The following MAF variants were observed in gnomAD, a reference collection of about 807,000 sequenced individuals.
MAF encodes the protein transcription factor Maf.
Under a neutral mutation model 22.0 loss-of-function variants are expected in MAF, and 10 were observed. The ratio of observed to expected loss-of-function variants is 0.45; its 90% CI spans 0.28 to 0.77. The LOEUF is 0.77. MAF is among the 30% of genes least tolerant of loss of function. The pLI is 0.12. For missense variants in MAF, 544 were observed against 548.4 expected (o/e 0.99, Z 0.08); for synonymous variants, 337 against 255.8 (o/e 1.32, Z -3.03).
the MAF span, among the ~76,000 whole-genome samples, chr16:79,239,444 G>A: frequency 6.6e-6 from 1 of 152,036 alleles, no homozygotes; most frequent in African/African-American, 2.4e-5. Flanking sequence ...GGGATGGTTT[G>A]TAGGGAACAA....
At chr16:79,373,701 G>C in the MAF span, among the ~76,000 whole-genome samples, 1 of 151,996 alleles carries the variant, frequency 6.6e-6, no homozygotes, top group Non-Finnish European at 1.5e-5. Context: ...AGAAGAGGAA[G>C]AGAGACTTGA....
the MAF span, among the ~76,000 whole-genome samples, chr16:79,216,506 T>C: frequency 6.6e-6 from 1 of 152,212 alleles, no homozygotes; most frequent in South Asian, 2.1e-4. Context: ...CCTTTCAGTA[T>C]AGCATTCAAT....
chr16:79,277,234 C>G, the MAF span, among the ~76,000 whole-genome samples: 26 of 152,200 alleles, frequency 1.7e-4, 1 homozygote, highest in Middle Eastern at 6.8e-3. Flanking sequence ...TCATCTTAAC[C>G]TGATTACATC....
At chr16:79,308,704 T>C in the MAF span, among the ~76,000 whole-genome samples, 1 of 152,178 alleles carries the variant, frequency 6.6e-6, no homozygotes, top group African/African-American at 2.4e-5. Context: ...ATCCCCCACA[T>C]AATGCTATGA....
At chr16:79,547,803 G>C in the MAF span, among the ~76,000 whole-genome samples, 3 of 152,040 alleles carry the variant, frequency 2.0e-5, no homozygotes, top group East Asian at 3.9e-4. Flanking sequence ...GTCTACAATT[G>C]ATCTTTTTTC....
In MAF at chr16:79,599,667, C is replaced by T. The variant is rs942419237; in HGVS notation, c.236G>A (p.Gly79Asp). 6.2e-7 allele frequency: 1 copy of T among 1,612,238 alleles called. No individual in the cohort carries two copies. ...GTGCGCCTTCTGCTCGCTGCCCGAGCCCGGGCTGGGCGCCGAGAAGCTGGG... is the reference window on the plus strand; with the variant it reads ...GTGCGCCTTCTGCTCGCTGCCCGAGTCCGGGCTGGGCGCCGAGAAGCTGGG... ...PSPSFSAPSP[G>D]SGSEQKAHLE... Residue 79 changes from glycine (G) to aspartate (D), a missense_variant, in exon 1 of 2, where the codon GGC becomes GAC. Coordinates refer to ENST00000326043, the MANE Select transcript of MAF (RefSeq NM_005360.5).
the MAF span, among the ~76,000 whole-genome samples, chr16:79,274,579 G>A: frequency 2.8e-4 from 42 of 152,142 alleles, no homozygotes; most frequent in Non-Finnish European, 4.8e-4. Flanking sequence ...CAGAAGAAAG[G>A]ACCCTACTGT....
chr16:79,320,291 G>T, the MAF span, among the ~76,000 whole-genome samples: 11 of 152,310 alleles, frequency 7.2e-5, no homozygotes, highest in East Asian at 2.1e-3. Context: ...AAGAATAAAG[G>T]AGAAAGCTGC....
the MAF span, among the ~76,000 whole-genome samples, chr16:79,542,404 T>G: frequency 2.2e-4 from 33 of 151,968 alleles, no homozygotes; most frequent in African/African-American, 7.5e-4. Flanking sequence ...TTAGATAGAG[T>G]CAAGGCCAGC....
chr16:79,334,390 G>C, the MAF span, among the ~76,000 whole-genome samples: 12 of 152,284 alleles, frequency 7.9e-5, 1 homozygote, highest in Middle Eastern at 0.017. Context: ...TGCAAGGCCA[G>C]GGAGGGTGAC....
At chr16:79,385,512 C>T in the MAF span, among the ~76,000 whole-genome samples, 6 of 152,334 alleles carry the variant, frequency 3.9e-5, no homozygotes, top group South Asian at 2.1e-4. Flanking sequence ...TCCCTTTTAA[C>T]GTACGCAAGC....
At chr16:79,255,817 TG>T in the MAF span, among the ~76,000 whole-genome samples, 805 of 152,134 alleles carry the variant, frequency 5.3e-3, 6 homozygotes, top group African/African-American at 0.018. Context: ...CATCTGTGAG[TG>T]GGGATATTAA....
chr16:79,371,243 G>A, the MAF span, among the ~76,000 whole-genome samples: 1 of 152,030 alleles, frequency 6.6e-6, no homozygotes, highest in Non-Finnish European at 1.5e-5. Flanking sequence ...TTCTTACACA[G>A]AGGCTCCCAG....
At chr16:79,569,480 G>A in the MAF span, among the ~76,000 whole-genome samples, 5 of 152,222 alleles carry the variant, frequency 3.3e-5, no homozygotes, top group Non-Finnish European at 7.3e-5. Flanking sequence ...GAAGGCAGAG[G>A]TTCTCAAGTG....
the MAF span, among the ~76,000 whole-genome samples, chr16:79,374,341 C>G: frequency 2.0e-5 from 3 of 152,126 alleles, no homozygotes; most frequent in African/African-American, 7.2e-5. Context: ...CTTCTGCATC[C>G]AACTGGTCAA....
At chr16:79,447,741 ATG>A in the MAF span, among the ~76,000 whole-genome samples, 1 of 152,036 alleles carries the variant, frequency 6.6e-6, no homozygotes, top group Non-Finnish European at 1.5e-5. Context: ...TTAACTGCAG[ATG>A]TGATGGAATT....
chr16:79,320,722 A>T, the MAF span, among the ~76,000 whole-genome samples: 1 of 152,238 alleles, frequency 6.6e-6, no homozygotes, highest in Non-Finnish European at 1.5e-5. Flanking sequence ...AGCTGTTGTG[A>T]ACATTAAATG....
the MAF span, among the ~76,000 whole-genome samples, chr16:79,366,847 G>A: frequency 1.7e-4 from 26 of 152,328 alleles, no homozygotes; most frequent in African/African-American, 6.0e-4. Context: ...TTGCAGCATA[G>A]CCTGGCTCAT....
At chr16:79,283,381 T>C in the MAF span, among the ~76,000 whole-genome samples, 3 of 152,208 alleles carry the variant, frequency 2.0e-5, no homozygotes, top group African/African-American at 7.2e-5. Context: ...AATATATTCT[T>C]TTTAAAAGCT....
Sources: allele counts gnomAD v4.1 joint callset (sites outside exome capture counted in the v4.1 genomes callset), GRCh38; gene constraint gnomAD v4.1.1; transcripts MANE v1.5; gene names NCBI Gene and HGNC (gene_info 2026-07-23, HGNC 2026-07-21).